Variants in TRNAU1AP observed in about 807,000 individuals in gnomAD.
TRNAU1AP encodes the protein tRNA selenocysteine 1-associated protein 1.
Under a neutral mutation model 43.3 loss-of-function variants are expected in TRNAU1AP, and 33 were observed. The ratio of observed to expected loss-of-function variants is 0.76; its 90% CI spans 0.58 to 1.02. The LOEUF (loss-of-function observed/expected upper bound fraction) is 1.02. Among genes scored for constraint, TRNAU1AP ranks in the 50% least tolerant of loss-of-function variants. The pLI, the probability that TRNAU1AP is intolerant of heterozygous loss-of-function variation, is 0.00. For missense variants in TRNAU1AP, 290 were observed against 362.7 expected, an observed-to-expected ratio of 0.80 and a Z score of 1.63; for synonymous variants, 143 against 129.1, an observed-to-expected ratio of 1.11 and a Z score of -0.73.
chr1:28,560,562 C>G (rs1280183377), intron 2 of TRNAU1AP, 71 bp from the exon 3 acceptor site: 4 of 1,265,552 alleles, frequency 3.2e-6, no homozygotes, highest in Non-Finnish European at 4.6e-6. Context: ...ATGCGTGAGC[C>G]ATCACGCCTG....
intron 6 of TRNAU1AP, among the ~76,000 whole-genome samples, chr1:28,567,654 C>T (rs1665571513): frequency 6.6e-6 from 1 of 152,126 alleles, no homozygotes; most frequent in African/African-American, 2.4e-5. Context: ...TGTATTCAGA[C>T]ATTACTGGTG....
intron 8 of TRNAU1AP, among the ~76,000 whole-genome samples, chr1:28,575,499 G>C (rs1013724508): frequency 4.5e-5 from 6 of 133,516 alleles, no homozygotes; most frequent in Non-Finnish European, 1.6e-5. Context: ...TCTCACTCTT[G>C]TTGCCCAGGC....
chr1:28,556,642 G>C (rs962755768), intron 2 of TRNAU1AP, among the ~76,000 whole-genome samples: 1 of 151,602 alleles, frequency 6.6e-6, no homozygotes, highest in African/African-American at 2.4e-5. Flanking sequence ...CTCCTGAGTA[G>C]CTGGGATTAC....
chr1:28,565,542 C>A (rs545128578), intron 5 of TRNAU1AP: 1 of 150,654 alleles, frequency 6.6e-6, no homozygotes, highest in Non-Finnish European at 1.5e-5. Flanking sequence ...AATCCCAGCA[C>A]TTTGGGAAGC....
At position 28,567,289 on chromosome 1, in the gene TRNAU1AP, T is replaced by C. The variant is rs1315080880; in HGVS notation, c.411-5T>C. On this transcript the variant is annotated splice_polypyrimidine_tract_variant and splice_region_variant and intron_variant, in intron 5 of 8. Coordinates refer to ENST00000373830, the MANE Select transcript of TRNAU1AP (RefSeq NM_017846.5). ...TGATCTAAATTGTATATTTTTTTCA[T>C]GCAGGGGTTATGGTTTTGTGAAATT... 4 of 1,611,446 alleles carry C rather than the reference T, an allele frequency of 2.5e-6. No homozygotes were observed. The highest frequency in any genetic ancestry group is 3.4e-6 in the Non-Finnish European group (4 of 1,179,426).
At chr1:28,555,564 C>A (rs1665241412) in intron 2 of TRNAU1AP, among the ~76,000 whole-genome samples, 1 of 149,046 alleles carries the variant, frequency 6.7e-6, no homozygotes, top group South Asian at 2.1e-4. Flanking sequence ...GTGGCGCGAT[C>A]TTGGCTCACT....
At chr1:28,561,673 T>TA (rs1415188958) in intron 4 of TRNAU1AP, among the ~76,000 whole-genome samples, 1 of 152,172 alleles carries the variant, frequency 6.6e-6, no homozygotes, top group Admixed American at 6.6e-5. Context: ...TGCAGTGGCT[T>TA]ACGCCTGTAA....
chr1:28,561,234 TAGAG>T, intron 3 of TRNAU1AP, 108 bp from the exon 4 acceptor site: 1 of 1,520,028 alleles, frequency 6.6e-7, no homozygotes, highest in Non-Finnish European at 8.8e-7. Flanking sequence ...AGCTGAGGCT[TAGAG>T]AGGGGGAGAT....
chr1:28,561,436 G>A, intron 4 of TRNAU1AP, 38 bp downstream of exon 4: 2 of 1,612,178 alleles, frequency 1.2e-6, no homozygotes, highest in Non-Finnish European at 1.7e-6. Context: ...CATAAGATGT[G>A]TCACTGTGCC....
intron 6 of TRNAU1AP, among the ~76,000 whole-genome samples, chr1:28,568,494 C>A (rs149055994): frequency 2.9e-4 from 44 of 152,212 alleles, no homozygotes; most frequent in Admixed American, 2.9e-3. Context: ...AGGCTGGTTT[C>A]GAATTCCTGG....
intron 2 of TRNAU1AP, among the ~76,000 whole-genome samples, chr1:28,556,811 G>A (rs866665706): frequency 2.0e-5 from 3 of 152,200 alleles, no homozygotes; most frequent in African/African-American, 7.2e-5. Context: ...AGCTTCCTGA[G>A]TAGGTGGGAC....
At chr1:28,559,135 G>A (rs550632297) in intron 2 of TRNAU1AP, among the ~76,000 whole-genome samples, 1 of 151,698 alleles carries the variant, frequency 6.6e-6, no homozygotes, top group Admixed American at 6.6e-5. Flanking sequence ...GCAGTGGCGC[G>A]ATCTCGGCTC....
intron 8 of TRNAU1AP, among the ~76,000 whole-genome samples, chr1:28,573,023 A>G (rs374440364): frequency 1.3e-5 from 2 of 148,630 alleles, no homozygotes; most frequent in Admixed American, 6.7e-5. Context: ...GCCATTATTA[A>G]TTTTTTCTTT....
At chr1:28,570,240 C>T (rs970265960) in intron 6 of TRNAU1AP, among the ~76,000 whole-genome samples, 22 of 152,004 alleles carry the variant, frequency 1.4e-4, no homozygotes, top group African/African-American at 4.8e-4. Context: ...TGAGCTACCA[C>T]GTCTGTCTCT....
chr1:28,566,230 G>A (rs148738651), intron 5 of TRNAU1AP, among the ~76,000 whole-genome samples: 4,923 of 150,784 alleles, frequency 0.033, 295 homozygotes, highest in African/African-American at 0.11. Flanking sequence ...CAGAAGAATC[G>A]CTTCAACCTG....
intron 5 of TRNAU1AP, 34 bp from the exon 6 acceptor site, chr1:28,567,260 T>A: frequency 6.2e-7 from 1 of 1,607,824 alleles, no homozygotes; most frequent in Non-Finnish European, 8.5e-7. Context: ...TTTAATCACA[T>A]TTGTGATCTA....
At chr1:28,562,586 T>A (rs1665435171) in intron 4 of TRNAU1AP, among the ~76,000 whole-genome samples, 2 of 149,340 alleles carry the variant, frequency 1.3e-5, no homozygotes, top group Admixed American at 1.3e-4. Context: ...ACTTTTGTGT[T>A]TTTTTTTTTT....
intron 2 of TRNAU1AP, among the ~76,000 whole-genome samples, chr1:28,555,583 C>T (rs907457815): frequency 6.6e-5 from 10 of 151,004 alleles, no homozygotes; most frequent in Non-Finnish European, 1.5e-4. Flanking sequence ...CTGAAAGCTC[C>T]GCCTCCTGGG....
chr1:28,554,996 C>T (rs1665226924), intron 2 of TRNAU1AP, among the ~76,000 whole-genome samples: 1 of 151,610 alleles, frequency 6.6e-6, no homozygotes, highest in South Asian at 2.1e-4. Flanking sequence ...CCCAGCACTT[C>T]GGGAGGCGAG....
Sources: gnomAD v4.1 joint callset for allele counts (sites outside exome capture counted in the v4.1 genomes callset) on GRCh38, gnomAD v4.1.1 for gene constraint, MANE v1.5 for transcripts, NCBI Gene and HGNC (gene_info 2026-07-23, HGNC 2026-07-21) for gene names.